The following MARCHF8 variants were observed in gnomAD, a reference collection of about 807,000 sequenced individuals.
MARCHF8 encodes the protein membrane associated ring-CH-type finger 8.
MARCHF8 carries 40 observed loss-of-function variants against 51.6 expected under a neutral mutation model. The observed-to-expected ratio is 0.77, with a 90% CI of 0.60 to 1.01. The LOEUF is 1.01. Among genes scored for constraint, MARCHF8 ranks in the 50% least tolerant of loss-of-function variants. The probability of loss-of-function intolerance (pLI) is 0.00; values close to 1 mark genes in which losing one functional copy is unlikely to be tolerated. For missense variants in MARCHF8, 685 were observed against 708.6 expected (o/e 0.97, Z 0.38); for synonymous variants, 263 against 280.3 (o/e 0.94, Z 0.62).
At chr10:45,582,719 CAGTTTT>C (rs1408382936) in intron 1 of MARCHF8, among the ~76,000 whole-genome samples, 4 of 152,130 alleles carry the variant, frequency 2.6e-5, no homozygotes, top group Admixed American at 6.6e-5. Flanking sequence ...AAAGGATTGA[CAGTTTT>C]TGTTTTATAA....
chr10:45,489,509 C>A, intron 2 of MARCHF8, 92 bp from the exon 3 acceptor site: 2 of 1,168,978 alleles, frequency 1.7e-6, no homozygotes, highest in South Asian at 2.6e-5. Context: ...ACTGACAAAT[C>A]ATTCCCTGAA....
At chr10:45,561,945 C>G (rs1408007609) in intron 1 of MARCHF8, among the ~76,000 whole-genome samples, 2 of 133,398 alleles carry the variant, frequency 1.5e-5, no homozygotes, top group Non-Finnish European at 3.3e-5. Context: ...GAGCAAACAA[C>G]AAAGTACTAA....
At chr10:45,553,077 A>G (rs1227006800) in intron 1 of MARCHF8, 1 of 152,136 alleles carries the variant, frequency 6.6e-6, no homozygotes, top group East Asian at 1.9e-4. Context: ...CAACACTAAA[A>G]TACCAGAATC....
At chr10:45,548,113 G>A (rs1444261678) in intron 1 of MARCHF8, among the ~76,000 whole-genome samples, 1 of 152,296 alleles carries the variant, frequency 6.6e-6, no homozygotes, top group South Asian at 2.1e-4. Context: ...AGCCAAGAGC[G>A]GCAGAATGGA....
intron 1 of MARCHF8, among the ~76,000 whole-genome samples, chr10:45,584,165 A>ATATATC (rs2044591213): frequency 8.8e-6 from 1 of 113,694 alleles, no homozygotes; most frequent in Non-Finnish European, 1.9e-5. Flanking sequence ...ATATATATAT[A>ATATATC]TATCAAGAAA....
At chr10:45,576,786 A>AG (rs371944165) in intron 1 of MARCHF8, among the ~76,000 whole-genome samples, 1,856 of 151,428 alleles carry the variant, frequency 0.012, 18 homozygotes, top group Middle Eastern at 0.058. Flanking sequence ...AAAAAAAAAA[A>AG]AAAACTAGCC....
At chr10:45,488,833 A>T (rs987781405) in intron 3 of MARCHF8, among the ~76,000 whole-genome samples, 1 of 151,996 alleles carries the variant, frequency 6.6e-6, no homozygotes. Flanking sequence ...CCTTCTTCCA[A>T]ATATACTCTT....
intron 2 of MARCHF8, among the ~76,000 whole-genome samples, chr10:45,510,853 AG>A (rs952987153): frequency 7.2e-5 from 11 of 152,154 alleles, no homozygotes; most frequent in African/African-American, 2.7e-4. Flanking sequence ...TGGAAGTGGA[AG>A]GAGGAGGAGA....
chr10:45,581,122 CA>C (rs746800351), intron 1 of MARCHF8, among the ~76,000 whole-genome samples: 4 of 152,118 alleles, frequency 2.6e-5, no homozygotes, highest in Non-Finnish European at 5.9e-5. Flanking sequence ...TGGTTCTCAA[CA>C]GGGGCAGTTT....
At chr10:45,489,466 T>C (rs770378301) in intron 2 of MARCHF8, 49 bp from the exon 3 acceptor site, 1 of 1,502,518 alleles carries the variant, frequency 6.7e-7, no homozygotes, top group South Asian at 1.2e-5. Context: ...GATTAAAATA[T>C]GCAAAGAACA....
chr10:45,580,004 A>C (rs1293933502), intron 1 of MARCHF8, among the ~76,000 whole-genome samples: 15 of 61,766 alleles, frequency 2.4e-4, no homozygotes, highest in African/African-American at 1.1e-3. Flanking sequence ...CTCCGTCTCC[A>C]AAAAAAAAAA....
chr10:45,488,217 G>A (rs999625483), intron 3 of MARCHF8, among the ~76,000 whole-genome samples: 19 of 152,236 alleles, frequency 1.2e-4, no homozygotes, highest in African/African-American at 4.6e-4. Context: ...CCAGCTAGAG[G>A]TGGCCTGTGA....
chr10:45,589,888 T>C (rs2044659393), intron 1 of MARCHF8, among the ~76,000 whole-genome samples: 1 of 152,238 alleles, frequency 6.6e-6, no homozygotes, highest in East Asian at 1.9e-4. Flanking sequence ...CATACAAATA[T>C]TGGCATAAAT....
rs897848524 is a variant in MARCHF8 at position 45,569,100 on chromosome 10, C to A, written c.-79+25135G>T. Among the ~76,000 whole-genome samples the A allele has an allele frequency of 3.2e-3, 472 of 148,310 alleles. 1 individual carries two copies. Among genetic ancestry groups the A allele is most frequent in the African/African-American group, 0.01 (416 of 40,396 alleles). ...AAAAAAAAAAAATTGCAAAAAAAAA[C>A]CACATCATAATGTTTTAAGAAAGTT... is the stretch of plus-strand genomic sequence containing the variant. On this transcript the variant is annotated intron_variant, in intron 1 of 6. Transcript: ENST00000319836.
At chr10:45,521,558 G>A (rs1172351031) in intron 2 of MARCHF8, among the ~76,000 whole-genome samples, 5 of 152,184 alleles carry the variant, frequency 3.3e-5, no homozygotes, top group Admixed American at 1.3e-4. Context: ...AAGTCTGCCT[G>A]TGCCTCCCAG....
chr10:45,511,627 C>A (rs1221280147), intron 2 of MARCHF8, among the ~76,000 whole-genome samples: 1 of 152,250 alleles, frequency 6.6e-6, no homozygotes, highest in Non-Finnish European at 1.5e-5. Flanking sequence ...CCGGGCTGGT[C>A]TCCAGCTCCT....
intron 6 of MARCHF8, among the ~76,000 whole-genome samples, chr10:45,460,692 G>A (rs920220353): frequency 2.6e-5 from 4 of 152,174 alleles, no homozygotes; most frequent in Non-Finnish European, 2.9e-5. Flanking sequence ...AGACAGCTGC[G>A]TGTCATGCAA....
intron 3 of MARCHF8, among the ~76,000 whole-genome samples, chr10:45,487,291 G>C (rs569542122): frequency 6.6e-6 from 1 of 152,066 alleles, no homozygotes; most frequent in African/African-American, 2.4e-5. Flanking sequence ...TTTGCAAACA[G>C]TTTTTTTTAA....
intron 2 of MARCHF8, among the ~76,000 whole-genome samples, chr10:45,507,368 G>A (rs1294311875): frequency 6.6e-6 from 1 of 152,184 alleles, no homozygotes; most frequent in Non-Finnish European, 1.5e-5. Flanking sequence ...AAGAAAAGAG[G>A]ATTATTTGGC....
Sources: gnomAD v4.1 joint callset for allele counts (sites outside exome capture counted in the v4.1 genomes callset) on GRCh38, gnomAD v4.1.1 for gene constraint, MANE v1.5 for transcripts, NCBI Gene and HGNC (gene_info 2026-07-23, HGNC 2026-07-21) for gene names.